UVRAG: variants seen among roughly 807,000 people sequenced by gnomAD.
UVRAG encodes the protein UV radiation resistance associated.
UVRAG carries 19 observed loss-of-function variants against 78.0 expected under a neutral mutation model. The ratio of observed to expected loss-of-function variants is 0.24; its 90% CI spans 0.17 to 0.36. The LOEUF (loss-of-function observed/expected upper bound fraction) is 0.36, where lower values mean the gene tolerates loss of function less well. Ranked by LOEUF, UVRAG falls within the 10% of genes least tolerant of loss-of-function variation. The pLI is 1.00. For missense variants in UVRAG, 740 were observed against 853.8 expected (o/e 0.87, Z 1.66); for synonymous variants, 323 against 324.6 (o/e 1.00, Z 0.05).
chr11:76,122,902 A>G (rs1267451209), intron 14 of UVRAG, among the ~76,000 whole-genome samples: 4 of 152,174 alleles, frequency 2.6e-5, no homozygotes, highest in East Asian at 1.9e-4. Flanking sequence ...AAAACTTTCT[A>G]TGTTTTTACT....
chr11:76,131,624 A>ACC (rs1354368093), intron 14 of UVRAG, among the ~76,000 whole-genome samples: 1 of 152,218 alleles, frequency 6.6e-6, no homozygotes, highest in Non-Finnish European at 1.5e-5. Flanking sequence ...CCCGGGGGAA[A>ACC]AGTGACCATT....
At chr11:76,013,154 G>A (rs1950086060) in intron 11 of UVRAG, 1 of 152,080 alleles carries the variant, frequency 6.6e-6, no homozygotes, top group South Asian at 2.1e-4. Context: ...AATATTAATA[G>A]TTTGTCCAAC....
rs1952529716 is a variant in UVRAG at position 76,132,485 on chromosome 11, C to T, written c.1398-8226C>T. On this transcript the variant is annotated intron_variant, in intron 14 of 14. Coordinates refer to ENST00000356136, the MANE Select transcript of UVRAG (RefSeq NM_003369.4). ...CTGTGAATTGTACTCTGTCCTCATA[C>T]TTTACAGTGTGGGACCTGGTTGTAG... Among the ~76,000 whole-genome samples the T allele has an allele frequency of 2.0e-5, 3 of 151,634 alleles. No individual in the cohort carries two copies. The South Asian group carries it at 6.2e-4, about 32-fold the overall frequency.
At chr11:75,936,220 A>G (rs1948371025) in intron 6 of UVRAG, among the ~76,000 whole-genome samples, 1 of 152,222 alleles carries the variant, frequency 6.6e-6, no homozygotes, top group African/African-American at 2.4e-5. Flanking sequence ...AGTGTCTACC[A>G]TGTTTCTTCT....
chr11:76,061,701 T>C (rs1318723817), intron 12 of UVRAG, among the ~76,000 whole-genome samples: 1 of 150,396 alleles, frequency 6.6e-6, no homozygotes, highest in East Asian at 2.0e-4. Context: ...TCCCAACACA[T>C]CCGAACATCA....
chr11:75,879,452 C>T (rs1946889669), intron 3 of UVRAG, among the ~76,000 whole-genome samples: 1 of 152,214 alleles, frequency 6.6e-6, no homozygotes, highest in African/African-American at 2.4e-5. Flanking sequence ...TTTCCTTTCT[C>T]TTCTGCTGTG....
chr11:75,876,993 C>CGG (rs1473549505), intron 3 of UVRAG, among the ~76,000 whole-genome samples: 1 of 150,264 alleles, frequency 6.7e-6, no homozygotes, highest in Admixed American at 6.6e-5. Context: ...GAGGACCCTG[C>CGG]GGCCTTCCGC....
chr11:75,864,625 T>G (rs1946498626), intron 3 of UVRAG, among the ~76,000 whole-genome samples: 1 of 152,264 alleles, frequency 6.6e-6, no homozygotes, highest in Non-Finnish European at 1.5e-5. Flanking sequence ...GTTTAAATGC[T>G]TTTGTATTTA....
At position 75,815,432 on chromosome 11, in the gene UVRAG, G is replaced by T. The variant is rs1945237287; in HGVS notation, c.25G>T (p.Gly9Cys). ...GATGAGCGCCTCCGCGTCGGTCGGG[G>T]GCCCCGTCCCCCAGCCACCCCCGGG... MSASASVG[G>C]PVPQPPPGPA... The change falls in exon 1 of 15, where the codon GGC (glycine) becomes TGC (cysteine). Residue 9 changes from glycine to cysteine, a missense_variant. Physicochemically the swap from Gly to Cys is radical, Grantham distance 159 (BLOSUM62 -3). Transcript: ENST00000356136. 2 of 1,248,864 alleles carry T rather than the reference G, an allele frequency of 1.6e-6. No homozygotes were observed. Among genetic ancestry groups the T allele is most frequent in the African/African-American group, 1.6e-5 (1 of 64,490 alleles). The allele number at this position is 1,248,864 out of a possible 1,614,324, so 77.4% of individuals were successfully genotyped here. A position where few individuals can be genotyped will look rare whatever the true frequency, so the allele number is the denominator to read the frequency against.
intron 1 of UVRAG, among the ~76,000 whole-genome samples, chr11:75,839,965 T>C (rs1490999487): frequency 6.6e-6 from 1 of 152,082 alleles, no homozygotes; most frequent in East Asian, 1.9e-4. Flanking sequence ...GGATCTTGTT[T>C]GATCTATATG....
chr11:75,997,635 A>G (rs1949732903), intron 8 of UVRAG, among the ~76,000 whole-genome samples: 1 of 152,134 alleles, frequency 6.6e-6, no homozygotes, highest in South Asian at 2.1e-4. Flanking sequence ...AGAGGATGTC[A>G]TTGGGATAGC....
chr11:76,094,214 G>A (rs892051326), intron 13 of UVRAG, among the ~76,000 whole-genome samples: 15 of 152,156 alleles, frequency 9.9e-5, no homozygotes, highest in Non-Finnish European at 2.1e-4. Flanking sequence ...AAGCCCACTT[G>A]ATCATGGTGG....
At chr11:76,029,845 T>C (rs1253799840) in intron 12 of UVRAG, among the ~76,000 whole-genome samples, 2 of 152,162 alleles carry the variant, frequency 1.3e-5, no homozygotes, top group Non-Finnish European at 2.9e-5. Context: ...GCAAAGTCAA[T>C]TGATGCCAAA....
chr11:76,038,408 TAAC>T (rs1950580192), intron 12 of UVRAG, among the ~76,000 whole-genome samples: 1 of 152,064 alleles, frequency 6.6e-6, no homozygotes, highest in African/African-American at 2.4e-5. Context: ...ACAACAGACA[TAAC>T]TATTTACATA....
At chr11:76,130,610 G>GA (rs1952496353) in intron 14 of UVRAG, among the ~76,000 whole-genome samples, 1 of 152,190 alleles carries the variant, frequency 6.6e-6, no homozygotes, top group South Asian at 2.1e-4. Flanking sequence ...CAGCATCTCT[G>GA]AAAATGGTGG....
At chr11:76,098,386 C>T (rs892791069) in intron 13 of UVRAG, among the ~76,000 whole-genome samples, 1 of 152,094 alleles carries the variant, frequency 6.6e-6, no homozygotes, top group Admixed American at 6.6e-5. Flanking sequence ...GAGGCTCAGG[C>T]GGGGGTAAGA....
At chr11:75,944,012 AT>A (rs1381272359) in intron 6 of UVRAG, among the ~76,000 whole-genome samples, 1 of 152,138 alleles carries the variant, frequency 6.6e-6, no homozygotes, top group Non-Finnish European at 1.5e-5. Context: ...TTTATTAGGC[AT>A]TTAAAGTCTA....
At chr11:75,901,173 C>G (rs1016967394) in intron 5 of UVRAG, among the ~76,000 whole-genome samples, 1 of 152,198 alleles carries the variant, frequency 6.6e-6, no homozygotes, top group African/African-American at 2.4e-5. Flanking sequence ...TCTACTGATT[C>G]ATTAGGTAGC....
chr11:75,911,339 G>T, intron 5 of UVRAG: 2 of 169,832 alleles, frequency 1.2e-5, no homozygotes, highest in South Asian at 3.1e-4. Context: ...GCCCAGCCTT[G>T]ACTCCACTTC....
Sources: allele counts gnomAD v4.1 joint callset (sites outside exome capture counted in the v4.1 genomes callset), GRCh38; gene constraint gnomAD v4.1.1; transcripts MANE v1.5; gene names NCBI Gene and HGNC (gene_info 2026-07-23, HGNC 2026-07-21).